Variants in APP observed in about 807,000 individuals in gnomAD.
APP encodes amyloid-beta precursor protein.
A neutral mutation model predicts 101.4 loss-of-function variants in APP; 31 were observed. That is an observed-to-expected ratio of 0.31 (90% CI 0.23 to 0.41). The LOEUF (loss-of-function observed/expected upper bound fraction) is 0.41. APP is among the 10% of genes least tolerant of loss of function. The probability of loss-of-function intolerance (pLI) is 1.00; values close to 1 mark genes in which losing one functional copy is unlikely to be tolerated. For missense variants in APP, 839 were observed against 1,003.7 expected (o/e 0.84, Z 2.22); for synonymous variants, 366 against 364.4 (o/e 1.00, Z -0.05).
intron 13 of APP, among the ~76,000 whole-genome samples, chr21:25,944,673 T>C (rs893869375): frequency 3.3e-5 from 5 of 152,200 alleles, no homozygotes; most frequent in Non-Finnish European, 5.9e-5. Context: ...TTTGGATTCA[T>C]CTCCATACTC....
At chr21:26,044,769 C>T (rs1467633160) in intron 5 of APP, among the ~76,000 whole-genome samples, 1 of 152,164 alleles carries the variant, frequency 6.6e-6, no homozygotes, top group Non-Finnish European at 1.5e-5. Context: ...GAACTCCCAA[C>T]CTCAGGCGAT....
At chr21:26,101,095 CTTTTT>C (rs35407047) in intron 2 of APP, among the ~76,000 whole-genome samples, 3 of 79,318 alleles carry the variant, frequency 3.8e-5, no homozygotes, top group African/African-American at 9.9e-5. Context: ...TTTTTTTTTC[CTTTTT>C]TTTTTTTTTT....
chr21:26,008,391 G>A (rs1027110886), intron 6 of APP, among the ~76,000 whole-genome samples: 1 of 152,200 alleles, frequency 6.6e-6, no homozygotes, highest in African/African-American at 2.4e-5. Context: ...TGGTTAGCGT[G>A]CAACAGGCTA....
intron 11 of APP, among the ~76,000 whole-genome samples, chr21:25,958,317 C>A (rs1363451304): frequency 1.3e-5 from 2 of 152,304 alleles, no homozygotes; most frequent in African/African-American, 4.8e-5. Flanking sequence ...CGCCCTGTCT[C>A]CCAGGCTGGA....
At chr21:25,981,711 G>GT (rs11330953) in intron 9 of APP, among the ~76,000 whole-genome samples, 1,513 of 127,182 alleles carry the variant, frequency 0.012, 18 homozygotes, top group East Asian at 0.015. Context: ...ACCAAAACAG[G>GT]TTTTTTTTTT....
chr21:26,157,231 G>A lies in APP; in HGVS notation c.57+13333C>T, dbSNP rs185652917. 1.7e-3 allele frequency among the ~76,000 whole-genome samples: 263 copies of A among 152,062 alleles called. 1 individual carries two copies. Among genetic ancestry groups the A allele is most frequent in the Middle Eastern group, 0.01 (3 of 294 alleles). ...ACTACAGGCATGCACCACCACGCTC[G>A]GCTGATTTTTGTATTTTTTGTAGAG... On this transcript the variant is annotated intron_variant, in intron 1 of 17. Transcript: ENST00000346798.
chr21:25,952,082 T>TA (rs757759836), intron 13 of APP, among the ~76,000 whole-genome samples: 1 of 152,060 alleles, frequency 6.6e-6, no homozygotes, highest in African/African-American at 2.4e-5. Context: ...GAAAGGTTTT[T>TA]AAAAAAGATT....
intron 9 of APP, among the ~76,000 whole-genome samples, chr21:25,980,413 C>A (rs1292859044): frequency 6.6e-6 from 1 of 151,796 alleles, no homozygotes; most frequent in African/African-American, 2.4e-5. Context: ...TCATAGTCCT[C>A]CAATGCTTTC....
At chr21:26,036,826 C>T (rs1484708010) in intron 5 of APP, among the ~76,000 whole-genome samples, 6 of 152,166 alleles carry the variant, frequency 3.9e-5, no homozygotes, top group Non-Finnish European at 7.3e-5. Context: ...AGCAATCCCA[C>T]TACTGGGCAT....
intron 8 of APP, among the ~76,000 whole-genome samples, chr21:25,983,534 G>A (rs894667550): frequency 2.0e-5 from 3 of 152,122 alleles, no homozygotes; most frequent in Non-Finnish European, 4.4e-5. Flanking sequence ...AGTTAAATAC[G>A]TTTTCTACAT....
intron 11 of APP, among the ~76,000 whole-genome samples, chr21:25,972,760 C>T (rs906675443): frequency 2.6e-5 from 4 of 151,552 alleles, no homozygotes; most frequent in Non-Finnish European, 2.9e-5. Context: ...GCTGGATCTG[C>T]GCAAAGAGTT....
At chr21:25,897,739 G>T in intron 15 of APP, 66 bp from the exon 16 acceptor site, 1 of 1,371,096 alleles carries the variant, frequency 7.3e-7, no homozygotes. Flanking sequence ...TAATAACACT[G>T]TAAGACAAAG....
chr21:25,983,854 GGGAA>G (rs142801277), intron 8 of APP, among the ~76,000 whole-genome samples: 262 of 152,248 alleles, frequency 1.7e-3, no homozygotes, highest in Middle Eastern at 3.4e-3. Flanking sequence ...GCAGCAACGG[GGGAA>G]GGAAGGAAGG....
At chr21:25,948,967 T>C (rs1351159068) in intron 13 of APP, among the ~76,000 whole-genome samples, 2 of 152,156 alleles carry the variant, frequency 1.3e-5, no homozygotes, top group African/African-American at 4.8e-5. Flanking sequence ...TTCCATCGTT[T>C]GTTGAATGAA....
At chr21:26,035,148 G>A (rs2045045782) in intron 5 of APP, among the ~76,000 whole-genome samples, 1 of 151,882 alleles carries the variant, frequency 6.6e-6, no homozygotes, top group African/African-American at 2.4e-5. Context: ...AATTAGCCAG[G>A]TGCAGCCTGT....
At chr21:25,904,951 G>A in intron 15 of APP, 73 bp downstream of exon 15, 1 of 1,315,506 alleles carries the variant, frequency 7.6e-7, no homozygotes, top group Admixed American at 1.8e-5. Flanking sequence ...GGCTTAAAAT[G>A]CAGAAAGGAG....
chr21:26,142,599 T>A (rs147884770), intron 1 of APP, among the ~76,000 whole-genome samples: 3 of 151,842 alleles, frequency 2.0e-5, no homozygotes, highest in African/African-American at 7.3e-5. Context: ...CAAGACCCCA[T>A]CTCTACAAAA....
intron 1 of APP, among the ~76,000 whole-genome samples, chr21:26,115,608 A>C (rs549676057): frequency 1.3e-5 from 2 of 152,340 alleles, no homozygotes; most frequent in Non-Finnish European, 2.9e-5. Context: ...ATTGCCATCC[A>C]AGGGTTAACT....
At chr21:26,169,197 T>C (rs955389386) in intron 1 of APP, 3 of 152,220 alleles carry the variant, frequency 2.0e-5, no homozygotes, top group African/African-American at 4.8e-5. Context: ...GTTGGATGAA[T>C]GGGGAAGACT....
Sources: allele counts gnomAD v4.1 joint callset (sites outside exome capture counted in the v4.1 genomes callset), GRCh38; gene constraint gnomAD v4.1.1; transcripts MANE v1.5; gene names NCBI Gene and HGNC (gene_info 2026-07-23, HGNC 2026-07-21).